Variants in ABCA9 observed in about 807,000 individuals in gnomAD.
ABCA9 encodes the protein ATP binding cassette subfamily A member 9, also known as ATP-binding cassette sub-family A member 9.
A neutral mutation model predicts 205.3 loss-of-function variants in ABCA9; 183 were observed. The observed-to-expected ratio is 0.89, with a 90% confidence interval of 0.79 to 1.01. The LOEUF is 1.01. Among genes scored for constraint, ABCA9 ranks in the 50% least tolerant of loss-of-function variants. ABCA9 has a pLI of 0.00. For synonymous variants in ABCA9, 651 were observed against 683.3 expected (o/e 0.95, Z 0.74); for missense variants, 1,805 against 1,912.4 (o/e 0.94, Z 1.05).
upstream of ABCA9, among the ~76,000 whole-genome samples, chr17:69,064,529 A>G (rs1036181136): frequency 3.9e-5 from 6 of 152,214 alleles, no homozygotes; most frequent in African/African-American, 1.4e-4. Flanking sequence ...TGATTTACCC[A>G]GGAAGCTTTA....
At chr17:69,031,671 G>T (rs1171033523) in intron 10 of ABCA9, among the ~76,000 whole-genome samples, 1 of 152,148 alleles carries the variant, frequency 6.6e-6, no homozygotes, top group Non-Finnish European at 1.5e-5. Context: ...TCCCATGCCT[G>T]CATCGCTTGC....
chr17:69,021,641 G>T, intron 18 of ABCA9, 101 bp downstream of exon 18: 1 of 766,370 alleles, frequency 1.3e-6, no homozygotes, highest in Non-Finnish European at 2.0e-6. Flanking sequence ...ATATTTTCAA[G>T]ATAAAATACT....
chr17:68,979,751 A>G (rs532379127), intron 37 of ABCA9, among the ~76,000 whole-genome samples: 24 of 152,300 alleles, frequency 1.6e-4, no homozygotes, highest in Non-Finnish European at 3.2e-4. Flanking sequence ...CTGAAACTGG[A>G]TCCCTTCCTT....
chr17:69,027,228 C>T, intron 14 of ABCA9, 102 bp downstream of exon 14: 1 of 1,560,922 alleles, frequency 6.4e-7, no homozygotes, highest in South Asian at 1.2e-5. Flanking sequence ...AATATTTCAT[C>T]CTAAAAGTTC....
chr17:69,019,436 G>A (rs894679381), intron 19 of ABCA9, among the ~76,000 whole-genome samples: 1 of 151,912 alleles, frequency 6.6e-6, no homozygotes, highest in African/African-American at 2.4e-5. Flanking sequence ...GATTTCTCAT[G>A]TATCCCCATA....
intron 1 of ABCA9, among the ~76,000 whole-genome samples, chr17:69,057,462 A>G (rs2072102655): frequency 6.6e-6 from 1 of 152,190 alleles, no homozygotes. Context: ...AGGCTTGCAC[A>G]CAGATCCACC....
In ABCA9 at chr17:69,017,783, G is replaced by T; in HGVS notation, c.2774C>A (p.Thr925Asn). 1 of 1,612,524 alleles carries T rather than the reference G, an allele frequency of 6.2e-7. No homozygotes were observed. The highest frequency in any genetic ancestry group is 1.1e-5 in the South Asian group (1 of 90,860). Residue 925 changes from threonine (T) to asparagine (N), a missense_variant, in exon 21 of 39, where the codon ACC (threonine) becomes AAC (asparagine). Transcript: ENST00000340001. ...HLLVINKTGSTIDNFLHSLRR... is the reference protein window; with the variant it reads ...HLLVINKTGSNIDNFLHSLRR... ...CAGTGAATGTAAAAAGTTATCAATG[G>T]TTGACCCTACATGAAGGCAAAGATT...
the ABCA9 span, chr17:69,078,695 T>A: frequency 8.3e-6 from 2 of 240,966 alleles, no homozygotes; most frequent in Non-Finnish European, 1.6e-5. Flanking sequence ...GTCATATTTT[T>A]AAAAAATTCT....
intron 3 of ABCA9, among the ~76,000 whole-genome samples, chr17:69,047,279 CAA>C (rs1410140900): frequency 1.3e-5 from 2 of 150,258 alleles, no homozygotes; most frequent in Non-Finnish European, 3.0e-5. Context: ...GTGCATAAAA[CAA>C]AGTTTTTACT....
chr17:68,997,980 T>C (rs2069691601), intron 25 of ABCA9, among the ~76,000 whole-genome samples: 1 of 152,226 alleles, frequency 6.6e-6, no homozygotes, highest in Non-Finnish European at 1.5e-5. Flanking sequence ...ATTGATCTTT[T>C]CACTGTCTCC....
intron 15 of ABCA9, 123 bp downstream of exon 15, chr17:69,026,853 A>G: frequency 8.2e-7 from 1 of 1,222,516 alleles, no homozygotes. Context: ...AATGAGTAAG[A>G]GCAAAATTCT....
rs568592133 is a variant in ABCA9, at chr17:68,998,211, G to A, written c.3436-2197C>T. Among the ~76,000 whole-genome samples the A allele has an allele frequency of 5.6e-4, 85 of 152,234 alleles. 1 individual carries two copies. Among genetic ancestry groups the A allele is most frequent in the South Asian group, 3.9e-3 (19 of 4,826 alleles). ...GACATCTTGGTTGCTTCCAAGTTTT[G>A]ACAATTATAATTAAAGCTGCTATAA... On this transcript the variant is annotated intron_variant, in intron 25 of 38. Transcript: ENST00000340001.
intron 1 of ABCA9, among the ~76,000 whole-genome samples, chr17:69,053,005 C>CTTA (rs2071956097): frequency 1.3e-5 from 2 of 152,184 alleles, no homozygotes; most frequent in Admixed American, 6.5e-5. Context: ...CTTCCATTAA[C>CTTA]TCTCTGGGTG....
At position 69,029,614 on chromosome 17, in the gene ABCA9, T is replaced by C. The variant is rs151238502; in HGVS notation, c.1446-387A>G. Among the ~76,000 whole-genome samples, 88 of 152,206 alleles carry C rather than the reference T, an allele frequency of 5.8e-4. 2 individuals are homozygous for C. In the East Asian group the frequency reaches 0.013, roughly 23 times the overall value. ...ACACCATAATAGAAACAGTAGGGCT[T>C]TGGAATCTAATCATTAAATGATTCA... is the stretch of plus-strand genomic sequence containing the variant. On this transcript the variant is annotated intron_variant, in intron 10 of 38. Transcript: ENST00000340001.
rs79483049 is a variant in ABCA9 at position 69,045,430 on chromosome 17, T to C, written c.305-94A>G. 4.0e-4 allele frequency: 400 copies of C among 1,000,452 alleles called. 4 individuals are homozygous for C. In the East Asian group the frequency reaches 0.02, roughly 51 times the overall value. 62.0% of individuals were successfully genotyped at this position (1,000,452 alleles called of 1,614,324 possible). On this transcript the variant is annotated intron_variant, in intron 3 of 38. Coordinates refer to ENST00000340001, the MANE Select transcript of ABCA9 (RefSeq NM_080283.4). ...TTGAGGTTATTTTATGTTAAAGCTA[T>C]TCCTTCCTAAAGGCAGTGCTGGGCC...
At chr17:69,029,348 C>G (rs896556080) in intron 10 of ABCA9, 121 bp from the exon 11 acceptor site, 16 of 587,378 alleles carry the variant, frequency 2.7e-5, no homozygotes, top group Non-Finnish European at 4.6e-5. Flanking sequence ...CTTGTAAAGC[C>G]TCAAAGAAAA....
chr17:69,006,721 CT>C (rs772936471), intron 25 of ABCA9, among the ~76,000 whole-genome samples: 1 of 151,834 alleles, frequency 6.6e-6, no homozygotes, highest in Non-Finnish European at 1.5e-5. Flanking sequence ...TGGGGAAGTG[CT>C]CAAAAAAACT....
Position 68,975,743 on chromosome 17 carries a change from G to A in ABCA9, c.*172C>T, listed in dbSNP as rs775581814. The A allele has an allele frequency of 1.5e-5, 9 of 597,364 alleles. No individual in the cohort carries two copies. Among genetic ancestry groups the A allele is most frequent in the South Asian group, 6.1e-5 (3 of 49,012 alleles). 37.0% of individuals were successfully genotyped at this position (597,364 alleles called of 1,614,324 possible). On this transcript the variant is annotated 3_prime_UTR_variant, in exon 39 of 39. Coordinates refer to ENST00000340001, the MANE Select transcript of ABCA9 (RefSeq NM_080283.4). ...TGGCTTAGGCTTATGCCCTATGATCGCCCTCACTGACATCGCCTGTTGTCT... is the reference window on the plus strand; with the variant it reads ...TGGCTTAGGCTTATGCCCTATGATCACCCTCACTGACATCGCCTGTTGTCT...
chr17:68,985,954 GGAAAAA>G (rs1466829665), intron 32 of ABCA9, among the ~76,000 whole-genome samples: 1 of 150,450 alleles, frequency 6.6e-6, no homozygotes, highest in African/African-American at 2.5e-5. Flanking sequence ...GAAAAAAAAA[GGAAAAA>G]AGAAAAAGAA....
Sources: gnomAD v4.1 joint callset for allele counts (sites outside exome capture counted in the v4.1 genomes callset) on GRCh38, gnomAD v4.1.1 for gene constraint, MANE v1.5 for transcripts, NCBI Gene and HGNC (gene_info 2026-07-23, HGNC 2026-07-21) for gene names.